Variants in KIF6 observed in about 807,000 individuals in gnomAD.
The protein encoded by KIF6 is kinesin-like protein KIF6.
Under a neutral mutation model 112.7 loss-of-function variants are expected in KIF6, and 106 were observed. That is an observed-to-expected ratio of 0.94 (90% CI 0.80 to 1.11). The LOEUF (loss-of-function observed/expected upper bound fraction) is 1.11. KIF6 is among the 50% of genes least tolerant of loss of function. KIF6 has a pLI of 0.00. For synonymous variants in KIF6, 339 were observed against 339.9 expected (o/e 1.00, Z 0.03); for missense variants, 929 against 964.0 (o/e 0.96, Z 0.48).
At chr6:39,692,393 C>T (rs149170283) in intron 3 of KIF6, among the ~76,000 whole-genome samples, 1 of 152,304 alleles carries the variant, frequency 6.6e-6, no homozygotes, top group East Asian at 1.9e-4. Flanking sequence ...CACTTTTAAA[C>T]AATCACCTAA....
At chr6:39,659,570 A>C (rs1305638681) in intron 3 of KIF6, among the ~76,000 whole-genome samples, 2 of 152,152 alleles carry the variant, frequency 1.3e-5, no homozygotes, top group Non-Finnish European at 2.9e-5. Flanking sequence ...GAGGTAAATG[A>C]ATCATGGGGG....
Position 39,713,422 on chromosome 6 carries a change from C to T in KIF6, c.251+1270G>A, listed in dbSNP as rs13213191. Reference sequence around the variant, plus strand: ...ACAAGAACAGGGTTTAGGAGAGGAACTGAAGTAGTGAATATAGTAGGCCAT... The same window carrying T: ...ACAAGAACAGGGTTTAGGAGAGGAATTGAAGTAGTGAATATAGTAGGCCAT... On this transcript the variant is annotated intron_variant, in intron 3 of 22. Coordinates refer to ENST00000287152, the MANE Select transcript of KIF6 (RefSeq NM_145027.6). 5.3e-4 allele frequency among the ~76,000 whole-genome samples: 80 copies of T among 152,200 alleles called. No homozygotes were observed. In the South Asian group the frequency reaches 5.4e-3, roughly 10 times the overall value.
chr6:39,438,235 A>G (rs892939636), intron 13 of KIF6, among the ~76,000 whole-genome samples: 1 of 152,112 alleles, frequency 6.6e-6, no homozygotes, highest in Non-Finnish European at 1.5e-5. Flanking sequence ...CAGCCTCCCA[A>G]AGTACTGGGA....
intron 3 of KIF6, among the ~76,000 whole-genome samples, chr6:39,683,210 A>AT (rs554076993): frequency 4.6e-5 from 7 of 152,212 alleles, no homozygotes; most frequent in South Asian, 2.1e-4. Flanking sequence ...TTAAAAGCTC[A>AT]TTTTGGCTAG....
intron 16 of KIF6, among the ~76,000 whole-genome samples, chr6:39,380,096 G>A (rs1020041495): frequency 1.4e-4 from 22 of 152,238 alleles, no homozygotes; most frequent in African/African-American, 5.3e-4. Context: ...GTACAGTAAA[G>A]TGGTAAAAAC....
intron 2 of KIF6, among the ~76,000 whole-genome samples, chr6:39,717,530 AC>A (rs1406447364): frequency 6.7e-6 from 1 of 149,106 alleles, no homozygotes; most frequent in African/African-American, 2.5e-5. Context: ...CCTCTCCTTC[AC>A]CCCCCTCATC....
chr6:39,372,545 C>A (rs1227216345), intron 16 of KIF6, among the ~76,000 whole-genome samples: 1 of 152,094 alleles, frequency 6.6e-6, no homozygotes, highest in African/African-American at 2.4e-5. Flanking sequence ...ATCTATGAAG[C>A]CTTGGAATCT....
intron 6 of KIF6, among the ~76,000 whole-genome samples, chr6:39,611,332 AT>A (rs1201524658): frequency 6.6e-6 from 1 of 152,122 alleles, no homozygotes; most frequent in African/African-American, 2.4e-5. Context: ...AAAAAGAAAA[AT>A]TTTAAAAAAG....
intron 10 of KIF6, among the ~76,000 whole-genome samples, chr6:39,548,119 G>T (rs568038004): frequency 6.6e-6 from 1 of 152,266 alleles, no homozygotes; most frequent in Admixed American, 6.5e-5. Flanking sequence ...GGAAGTAATG[G>T]TTAATCAATT....
chr6:39,345,516 C>T (rs143977642), intron 21 of KIF6, among the ~76,000 whole-genome samples, 184 bp downstream of exon 21: 320 of 152,292 alleles, frequency 2.1e-3, no homozygotes, highest in African/African-American at 7.3e-3. Flanking sequence ...AAAACCTCCC[C>T]GCTTTGAGTT....
chr6:39,447,688 C>G (rs7738282), intron 13 of KIF6, among the ~76,000 whole-genome samples: 1 of 152,060 alleles, frequency 6.6e-6, no homozygotes, highest in Admixed American at 6.6e-5. Flanking sequence ...CTTCCTTTAC[C>G]CCATTAACCT....
rs377696124 is a variant in KIF6, at chr6:39,618,698, CCTGA to C, written c.510-5384_510-5381del. Among the ~76,000 whole-genome samples, 465 of 152,294 alleles carry C rather than the reference CCTGA, an allele frequency of 3.1e-3. 3 individuals carry two copies. Among genetic ancestry groups the C allele is most frequent in the African/African-American group, 1.0e-2 (414 of 41,564 alleles). ...CAATATAATGTGGCTTGTTTTCCAA[CCTGA>C]CTGTGATGTAGCATCACAGCACAGA... On this transcript the variant is annotated intron_variant, in intron 5 of 22. Transcript: ENST00000287152.
At chr6:39,525,629 C>A (rs1181180560) in intron 13 of KIF6, among the ~76,000 whole-genome samples, 4 of 151,902 alleles carry the variant, frequency 2.6e-5, no homozygotes, top group Admixed American at 2.6e-4. Flanking sequence ...GTGGTGGGTA[C>A]CTATAATCCA....
At chr6:39,436,152 T>A (rs1771514192) in intron 13 of KIF6, among the ~76,000 whole-genome samples, 1 of 152,176 alleles carries the variant, frequency 6.6e-6, no homozygotes, top group Admixed American at 6.5e-5. Context: ...TGGCCATTTT[T>A]ATATCTTTTT....
chr6:39,431,424 C>CG (rs1280751073), intron 13 of KIF6: 7 of 342,622 alleles, frequency 2.0e-5, no homozygotes, highest in Admixed American at 4.7e-5. Context: ...AATGCCTGCT[C>CG]GGGGGAAATG....
intron 5 of KIF6, among the ~76,000 whole-genome samples, chr6:39,627,699 T>C (rs913179898): frequency 1.3e-5 from 2 of 152,326 alleles, no homozygotes; most frequent in Middle Eastern, 3.4e-3. Flanking sequence ...ATTTCAATAC[T>C]GAATGCTGGC....
chr6:39,432,210 G>T (rs1246817808), intron 13 of KIF6, among the ~76,000 whole-genome samples: 1 of 152,168 alleles, frequency 6.6e-6, no homozygotes, highest in African/African-American at 2.4e-5. Flanking sequence ...TTGTTTGTTT[G>T]TTTTGTGAAT....
intron 3 of KIF6, among the ~76,000 whole-genome samples, chr6:39,704,772 T>C (rs1789098126): frequency 6.6e-6 from 1 of 152,224 alleles, no homozygotes; most frequent in Admixed American, 6.5e-5. Context: ...CCCCCAATTA[T>C]ATCTTTAGAG....
intron 14 of KIF6, 86 bp downstream of exon 14, chr6:39,430,967 G>T: frequency 1.5e-6 from 1 of 681,206 alleles, no homozygotes. Context: ...ATGTTGGGCA[G>T]ATTAGGAAGG....
Sources: allele counts gnomAD v4.1 joint callset (sites outside exome capture counted in the v4.1 genomes callset), GRCh38; gene constraint gnomAD v4.1.1; transcripts MANE v1.5; gene names NCBI Gene and HGNC (gene_info 2026-07-23, HGNC 2026-07-21).